Variants in CALD1 observed in about 807,000 individuals in gnomAD.
CALD1 encodes caldesmon 1.
CALD1 carries 33 observed loss-of-function variants against 99.9 expected under a neutral mutation model. That is an observed-to-expected ratio of 0.33 (90% CI 0.25 to 0.44). CALD1 has a LOEUF of 0.44. CALD1 is among the 20% of genes least tolerant of loss of function. The pLI, the probability that CALD1 is intolerant of heterozygous loss-of-function variation, is 1.00. For synonymous variants in CALD1, 310 were observed against 325.0 expected (o/e 0.95, Z 0.50); for missense variants, 861 against 962.1 (o/e 0.89, Z 1.39).
intron 1 of CALD1, among the ~76,000 whole-genome samples, chr7:134,789,650 GGGGCTTAGCCACACACTGTCCCCTGTTGC>G (rs1797445222): frequency 2.0e-5 from 3 of 152,118 alleles, no homozygotes; most frequent in Non-Finnish European, 2.9e-5. Flanking sequence ...CTGTTAGCGT[GGGGCTTAGCCACACACTGTCCCCTGTTGC>G]CTCCTCTAGG....
At chr7:134,918,397 G>A (rs1804369674) in intron 3 of CALD1, among the ~76,000 whole-genome samples, 1 of 152,234 alleles carries the variant, frequency 6.6e-6, no homozygotes, top group South Asian at 2.1e-4. Flanking sequence ...TATAAACATA[G>A]ATGAATCTCA....
intron 3 of CALD1, among the ~76,000 whole-genome samples, chr7:134,901,037 G>A (rs912973517): frequency 1.3e-5 from 2 of 152,038 alleles, no homozygotes; most frequent in Non-Finnish European, 2.9e-5. Context: ...ACCACTATAC[G>A]TTGGCTAACT....
intron 2 of CALD1, among the ~76,000 whole-genome samples, chr7:134,850,164 A>G (rs1227931853): frequency 1.3e-5 from 2 of 152,236 alleles, no homozygotes; most frequent in East Asian, 3.8e-4. Flanking sequence ...TCATTAATAA[A>G]CATCAAATAT....
At chr7:134,742,847 T>G (rs1162700150), upstream of CALD1, among the ~76,000 whole-genome samples, 1 of 152,162 alleles carries the variant, frequency 6.6e-6, no homozygotes, top group Non-Finnish European at 1.5e-5. Context: ...AGTGTTCTGT[T>G]TCTTTAAGGT....
Position 134,759,151 on chromosome 7 carries a change from G to C in CALD1, c.-130+14788G>C, listed in dbSNP as rs181929745. Among the ~76,000 whole-genome samples the C allele has an allele frequency of 2.9e-3, 449 of 152,238 alleles. 3 individuals are homozygous for C. The highest frequency in any genetic ancestry group is 5.8e-3 in the South Asian group (28 of 4,822). The stretch of plus-strand genomic sequence containing the variant: ...CTACTCAGAACAAGTTAAACCTACA[G>C]GCAATGCCCTCTAGCAAACTAGAGT... On this transcript the variant is annotated intron_variant, in intron 1 of 13. Transcript: ENST00000417172.
chr7:134,844,786 C>CA (rs147491148), intron 2 of CALD1, among the ~76,000 whole-genome samples: 16,947 of 152,164 alleles, frequency 0.11, 1,769 homozygotes, highest in African/African-American at 0.27. Flanking sequence ...CCTGTGTCTT[C>CA]ACGTGGTCCT....
chr7:134,880,171 C>T (rs1271076346), intron 3 of CALD1, among the ~76,000 whole-genome samples: 1 of 152,118 alleles, frequency 6.6e-6, no homozygotes, highest in African/African-American at 2.4e-5. Context: ...CTAAGGGTAG[C>T]CTGGGTCTTT....
intron 13 of CALD1, among the ~76,000 whole-genome samples, chr7:134,964,163 C>T (rs757224650): frequency 1.3e-5 from 2 of 152,218 alleles, no homozygotes; most frequent in African/African-American, 2.4e-5. Context: ...CGCCACTGCA[C>T]TCCAGCCTGG....
chr7:134,799,719 C>A (rs1289835301), intron 1 of CALD1, among the ~76,000 whole-genome samples: 4 of 152,104 alleles, frequency 2.6e-5, no homozygotes, highest in Non-Finnish European at 5.9e-5. Flanking sequence ...TAAAGAGACC[C>A]TGCTTCACAA....
intron 1 of CALD1, among the ~76,000 whole-genome samples, chr7:134,780,643 C>A (rs2347896): frequency 0.11 from 16,764 of 152,046 alleles, 1,173 homozygotes; most frequent in Non-Finnish European, 0.15. Context: ...TTGGTAGTAG[C>A]CTGGAATTCC....
chr7:134,945,522 A>G (rs530937270), intron 7 of CALD1, among the ~76,000 whole-genome samples: 1 of 152,334 alleles, frequency 6.6e-6, no homozygotes, highest in Admixed American at 6.5e-5. Flanking sequence ...TCTAGCTTCC[A>G]AAAGTTTGAG....
intron 1 of CALD1, among the ~76,000 whole-genome samples, chr7:134,749,981 G>A (rs1796670908): frequency 6.6e-6 from 1 of 152,098 alleles, no homozygotes; most frequent in Admixed American, 6.6e-5. Flanking sequence ...TTCAGGGAGG[G>A]CTCCCAGAAA....
At chr7:134,869,869 A>G (rs1258557184) in intron 3 of CALD1, among the ~76,000 whole-genome samples, 1 of 152,172 alleles carries the variant, frequency 6.6e-6, no homozygotes, top group Non-Finnish European at 1.5e-5. Flanking sequence ...TCAAGGTATA[A>G]TGGAAGCCAT....
chr7:134,763,047 T>G (rs896520112), intron 1 of CALD1, among the ~76,000 whole-genome samples: 1 of 152,228 alleles, frequency 6.6e-6, no homozygotes, highest in African/African-American at 2.4e-5. Context: ...TATCTATACC[T>G]CTATCTACCT....
Position 134,958,115 on chromosome 7 carries a change from A to G in CALD1, c.1979+3A>G. 6.2e-7 allele frequency: 1 copy of G among 1,610,702 alleles called. No homozygotes were observed. The highest frequency in any genetic ancestry group is 8.5e-7 in the Non-Finnish European group (1 of 1,177,668). ...TTGAATAAGTCTGTGCAGAAAAGGTAAATATGCTTGATGGTTCAATTGAGC... is the reference window on the plus strand; with the variant it reads ...TTGAATAAGTCTGTGCAGAAAAGGTGAATATGCTTGATGGTTCAATTGAGC... On this transcript the variant is annotated splice_donor_region_variant and intron_variant, in intron 10 of 14. Coordinates refer to ENST00000361675, the MANE Select transcript of CALD1 (RefSeq NM_033138.4).
At chr7:134,967,138 T>C (rs1808734201) in intron 14 of CALD1, among the ~76,000 whole-genome samples, 1 of 152,118 alleles carries the variant, frequency 6.6e-6, no homozygotes, top group Non-Finnish European at 1.5e-5. Context: ...GGAACAAAGA[T>C]GATGTGGAAT....
intron 2 of CALD1, among the ~76,000 whole-genome samples, chr7:134,864,698 C>T (rs1304199822): frequency 6.6e-6 from 1 of 152,150 alleles, no homozygotes; most frequent in Non-Finnish European, 1.5e-5. Context: ...CTGCATCTGG[C>T]CTGAAACCTT....
Position 134,871,456 on chromosome 7 carries a change from C to T in CALD1, c.71+3652C>T, listed in dbSNP as rs577629405. 2.6e-5 allele frequency among the ~76,000 whole-genome samples: 4 copies of T among 152,308 alleles called. No homozygotes were observed. In the East Asian group the frequency reaches 7.7e-4, roughly 29 times the overall value. On this transcript the variant is annotated intron_variant, in intron 3 of 14. Coordinates refer to ENST00000361675, the MANE Select transcript of CALD1 (RefSeq NM_033138.4). ...TACTGGGCATCTATTCCACTACAAGCTCTATTTTGGGTACTGAGAATAGAC... is the reference window on the plus strand; with the variant it reads ...TACTGGGCATCTATTCCACTACAAGTTCTATTTTGGGTACTGAGAATAGAC...
chr7:134,811,724 T>G (rs1798361086), intron 1 of CALD1, among the ~76,000 whole-genome samples: 1 of 152,190 alleles, frequency 6.6e-6, no homozygotes, highest in Non-Finnish European at 1.5e-5. Context: ...CCTAAACAAA[T>G]TATTGTAGGT....
Sources: gnomAD v4.1 joint callset for allele counts (sites outside exome capture counted in the v4.1 genomes callset) on GRCh38, gnomAD v4.1.1 for gene constraint, MANE v1.5 for transcripts, NCBI Gene and HGNC (gene_info 2026-07-23, HGNC 2026-07-21) for gene names.